ITPRID1: variants seen among roughly 807,000 people sequenced by gnomAD.
The protein encoded by ITPRID1 is protein ITPRID1.
Under a neutral mutation model 95.4 loss-of-function variants are expected in ITPRID1, and 96 were observed. That is an observed-to-expected ratio of 1.01 (90% CI 0.85 to 1.19). The LOEUF (loss-of-function observed/expected upper bound fraction) is 1.19, where lower values mean the gene tolerates loss of function less well. Among genes scored for constraint, ITPRID1 ranks in the 50% most tolerant of loss-of-function variants. The probability of loss-of-function intolerance (pLI) is 0.00; values close to 1 mark genes in which losing one functional copy is unlikely to be tolerated. For missense variants in ITPRID1, 1,339 were observed against 1,252.9 expected, an observed-to-expected ratio of 1.07 and a Z score of -1.04; for synonymous variants, 510 against 453.6, an observed-to-expected ratio of 1.12 and a Z score of -1.58.
chr7:31,615,483 T>TGAA (rs962746605), intron 10 of ITPRID1, among the ~76,000 whole-genome samples: 6 of 152,078 alleles, frequency 3.9e-5, no homozygotes, highest in African/African-American at 1.5e-4. Flanking sequence ...GGACGCATCT[T>TGAA]GAAGTCATTT....
intron 1 of ITPRID1, among the ~76,000 whole-genome samples, chr7:31,541,004 A>G (rs1029890897): frequency 6.6e-6 from 1 of 152,220 alleles, no homozygotes; most frequent in African/African-American, 2.4e-5. Context: ...TACGAAAGAA[A>G]ACAGATTTTT....
intron 10 of ITPRID1, among the ~76,000 whole-genome samples, chr7:31,638,213 C>G (rs1022737308): frequency 6.6e-6 from 1 of 152,122 alleles, no homozygotes; most frequent in Non-Finnish European, 1.5e-5. Flanking sequence ...TTTGCTAACC[C>G]TAAAGGAAAC....
chr7:31,648,567 A>T (rs911338928), intron 12 of ITPRID1, among the ~76,000 whole-genome samples: 3 of 152,202 alleles, frequency 2.0e-5, no homozygotes, highest in African/African-American at 7.2e-5. Flanking sequence ...CCCAAACCAA[A>T]ACACCCCAGT....
At chr7:31,578,627 C>T (rs911203744) in intron 9 of ITPRID1, among the ~76,000 whole-genome samples, 193 bp downstream of exon 9, 12 of 152,216 alleles carry the variant, frequency 7.9e-5, no homozygotes, top group South Asian at 2.1e-4. Context: ...AAACCAGCCT[C>T]TGCTTGCTCC....
chr7:31,523,103 A>G (rs1783318602), intron 1 of ITPRID1, among the ~76,000 whole-genome samples: 1 of 152,230 alleles, frequency 6.6e-6, no homozygotes, highest in Admixed American at 6.5e-5. Flanking sequence ...AGTGCCTTGC[A>G]TTAAGTAGAT....
chr7:31,598,605 G>T (rs1173143700), intron 10 of ITPRID1, among the ~76,000 whole-genome samples: 1 of 151,694 alleles, frequency 6.6e-6, no homozygotes, highest in East Asian at 1.9e-4. Flanking sequence ...GGGTTTCACC[G>T]TGTTAGCCAG....
At chr7:31,527,552 T>C (rs1476940556) in intron 1 of ITPRID1, among the ~76,000 whole-genome samples, 1 of 152,196 alleles carries the variant, frequency 6.6e-6, no homozygotes, top group African/African-American at 2.4e-5. Flanking sequence ...AATGCCCTGC[T>C]AACTGGAGCA....
At chr7:31,596,907 C>A (rs1474434956) in intron 10 of ITPRID1, among the ~76,000 whole-genome samples, 1 of 151,660 alleles carries the variant, frequency 6.6e-6, no homozygotes, top group Non-Finnish European at 1.5e-5. Context: ...AGTAGAAGTA[C>A]ATAAAGATTT....
At chr7:31,628,526 C>T (rs548077074) in intron 10 of ITPRID1, among the ~76,000 whole-genome samples, 19 of 151,498 alleles carry the variant, frequency 1.3e-4, no homozygotes, top group African/African-American at 4.4e-4. Flanking sequence ...GGCGCGACCT[C>T]AGCTCACTGC....
intron 12 of ITPRID1, among the ~76,000 whole-genome samples, chr7:31,645,840 C>G (rs1276008278): frequency 6.6e-6 from 1 of 152,078 alleles, no homozygotes; most frequent in Non-Finnish European, 1.5e-5. Flanking sequence ...ACAGCCACCA[C>G]AACAATGAAT....
At chr7:31,621,747 C>T (rs1033434068) in intron 10 of ITPRID1, among the ~76,000 whole-genome samples, 2 of 146,110 alleles carry the variant, frequency 1.4e-5, no homozygotes, top group Non-Finnish European at 3.0e-5. Flanking sequence ...ATCAAATTCA[C>T]ACATAACAAT....
intron 9 of ITPRID1, 23 bp downstream of exon 9, chr7:31,578,457 A>G: frequency 6.5e-7 from 1 of 1,532,964 alleles, no homozygotes; most frequent in Non-Finnish European, 8.8e-7. Flanking sequence ...CCAACGTACC[A>G]GCCTCCTAAG....
intron 6 of ITPRID1, among the ~76,000 whole-genome samples, chr7:31,571,090 G>A (rs911260989): frequency 5.9e-5 from 9 of 151,984 alleles, no homozygotes; most frequent in South Asian, 2.1e-4. Context: ...GTGCAGTTGC[G>A]CCATCTCAGC....
intron 1 of ITPRID1, among the ~76,000 whole-genome samples, chr7:31,539,791 G>A (rs538023233): frequency 6.6e-6 from 1 of 152,058 alleles, no homozygotes; most frequent in East Asian, 1.9e-4. Flanking sequence ...GTTTCTGTGT[G>A]GGGGAGAAGT....
chr7:31,630,579 G>T (rs1788901834), intron 10 of ITPRID1, among the ~76,000 whole-genome samples: 1 of 152,124 alleles, frequency 6.6e-6, no homozygotes, highest in East Asian at 1.9e-4. Flanking sequence ...TATTAGTGAT[G>T]CCTACTTTCA....
intron 1 of ITPRID1, among the ~76,000 whole-genome samples, chr7:31,527,825 G>T (rs906409199): frequency 6.6e-6 from 1 of 152,144 alleles, no homozygotes; most frequent in African/African-American, 2.4e-5. Flanking sequence ...TTCTTAGAGA[G>T]TGAATTACTT....
chr7:31,586,872 T>C (rs1276839623), intron 10 of ITPRID1, among the ~76,000 whole-genome samples: 1 of 151,938 alleles, frequency 6.6e-6, no homozygotes, highest in Admixed American at 6.6e-5. Flanking sequence ...ATTTTGTCTT[T>C]TGTTGCCATT....
chr7:31,590,270 A>T (rs1610059), intron 10 of ITPRID1, among the ~76,000 whole-genome samples: 2 of 151,868 alleles, frequency 1.3e-5, no homozygotes, highest in Non-Finnish European at 2.9e-5. Context: ...TTAAAATTCA[A>T]TAGAATTAGT....
At chr7:31,614,603 G>A (rs1051907198) in intron 10 of ITPRID1, among the ~76,000 whole-genome samples, 4 of 152,076 alleles carry the variant, frequency 2.6e-5, no homozygotes, top group African/African-American at 7.3e-5. Context: ...TTCCTGGTAC[G>A]TATGGATGCT....
Sources: gnomAD v4.1 joint callset for allele counts (sites outside exome capture counted in the v4.1 genomes callset) on GRCh38, gnomAD v4.1.1 for gene constraint, MANE v1.5 for transcripts, NCBI Gene and HGNC (gene_info 2026-07-23, HGNC 2026-07-21) for gene names.